AMD1: variants seen among roughly 807,000 people sequenced by gnomAD.
AMD1 encodes the protein adenosylmethionine decarboxylase 1, also known as S-adenosylmethionine decarboxylase proenzyme.
A neutral mutation model predicts 40.2 loss-of-function variants in AMD1; 11 were observed. The observed-to-expected ratio is 0.27, with a 90% CI of 0.17 to 0.45. The LOEUF is 0.45. Ranked by LOEUF, AMD1 falls within the 20% of genes least tolerant of loss-of-function variation. The pLI, the probability that AMD1 is intolerant of heterozygous loss-of-function variation, is 1.00. For missense variants in AMD1, 257 were observed against 410.2 expected (o/e 0.63, Z 3.23); for synonymous variants, 121 against 130.8 (o/e 0.93, Z 0.51).
the AMD1 span, among the ~76,000 whole-genome samples, chr6:110,851,269 T>A: frequency 6.6e-6 from 1 of 152,190 alleles, no homozygotes; most frequent in African/African-American, 2.4e-5. Flanking sequence ...CCCGGCCTTT[T>A]CTTTTATTTT....
the AMD1 span, chr6:110,814,808 A>G: frequency 1.4e-6 from 1 of 702,470 alleles, no homozygotes; most frequent in South Asian, 1.5e-5. Flanking sequence ...GCGCCGCGGG[A>G]GTTCGAGGTA....
In AMD1 at chr6:110,890,095, C is replaced by T. The variant is rs569645624; in HGVS notation, c.325-159C>T. 44 of 550,452 alleles carry T rather than the reference C, an allele frequency of 8.0e-5. No homozygotes were observed. The Middle Eastern group carries it at 1.5e-3, about 19-fold the overall frequency. The allele number at this position is 550,452 out of a possible 1,614,324, so 34.1% of individuals were successfully genotyped here. Reference sequence around the variant, plus strand: ...AAGTGATCCTCCTGCCTCCTAATAGCGAGACTACAGGCATATGCTACCATG... The same window carrying T: ...AAGTGATCCTCCTGCCTCCTAATAGTGAGACTACAGGCATATGCTACCATG... On this transcript the variant is annotated intron_variant, in intron 3 of 8. Coordinates refer to ENST00000368885, the MANE Select transcript of AMD1 (RefSeq NM_001634.6).
At chr6:110,887,424 A>T in intron 1 of AMD1, 81 bp from the exon 2 acceptor site, 1 of 976,812 alleles carries the variant, frequency 1.0e-6, no homozygotes, top group Admixed American at 2.6e-5. Context: ...GGTCTTCATG[A>T]GAAAAAGTGT....
intron 1 of AMD1, 98 bp from the exon 2 acceptor site, chr6:110,887,405 TAA>T: frequency 1.3e-6 from 1 of 747,258 alleles, no homozygotes; most frequent in Non-Finnish European, 2.2e-6. Flanking sequence ...CAATATTAAT[TAA>T]AAATGTGGTC....
At chr6:110,823,122 A>G in the AMD1 span, among the ~76,000 whole-genome samples, 1 of 152,210 alleles carries the variant, frequency 6.6e-6, no homozygotes. Flanking sequence ...TCTCAAAAAA[A>G]AGCATACAAT....
chr6:110,874,753 A>AT (rs1011618900), upstream of AMD1: 18 of 172,588 alleles, frequency 1.0e-4, 1 homozygote, highest in Middle Eastern at 0.02. Flanking sequence ...GGGAGCCGGG[A>AT]TATATAAGGG....
chr6:110,892,217 A>G lies in AMD1; in HGVS notation c.470+14A>G, dbSNP rs1786062133. On this transcript the variant is annotated intron_variant, in intron 5 of 8. Transcript: ENST00000368885. Reference sequence around the variant, plus strand: ...TTCTGACTGTTGGTATGTTTAATGCAATTTTGTGGATTTTTGTTGTCCTAT... The same window carrying G: ...TTCTGACTGTTGGTATGTTTAATGCGATTTTGTGGATTTTTGTTGTCCTAT... 1 of 1,613,768 alleles carries G rather than the reference A, an allele frequency of 6.2e-7. No homozygotes were observed. Among genetic ancestry groups the G allele is most frequent in the Non-Finnish European group, 8.5e-7 (1 of 1,179,946 alleles).
At chr6:110,876,831 C>T (rs9487545) in intron 1 of AMD1, among the ~76,000 whole-genome samples, 8 of 152,142 alleles carry the variant, frequency 5.3e-5, no homozygotes. Flanking sequence ...CCTAGAAAAT[C>T]TTGGGTAAGA....
the AMD1 span, among the ~76,000 whole-genome samples, chr6:110,860,351 A>G: frequency 6.6e-6 from 1 of 152,168 alleles, no homozygotes; most frequent in Non-Finnish European, 1.5e-5. Context: ...GAGAAATAAT[A>G]TATTTATACT....
chr6:110,815,041 G>A, the AMD1 span: 3 of 1,604,392 alleles, frequency 1.9e-6, no homozygotes, highest in East Asian at 2.3e-5. Context: ...AGACGTGACC[G>A]TAGGTGCCGC....
intron 1 of AMD1, among the ~76,000 whole-genome samples, chr6:110,885,807 T>C (rs1485082288): frequency 1.3e-5 from 2 of 152,232 alleles, no homozygotes; most frequent in Non-Finnish European, 2.9e-5. Flanking sequence ...TGGGTATTGG[T>C]ACGCAGATGG....
intron 1 of AMD1, among the ~76,000 whole-genome samples, chr6:110,882,194 C>T (rs983754639): frequency 1.3e-5 from 2 of 152,146 alleles, no homozygotes; most frequent in African/African-American, 2.4e-5. Context: ...TGCAGTGGCA[C>T]GATCTTGGCT....
At chr6:110,848,242 C>T in the AMD1 span, among the ~76,000 whole-genome samples, 1 of 151,924 alleles carries the variant, frequency 6.6e-6, no homozygotes, top group Non-Finnish European at 1.5e-5. Context: ...ATGATTTCAG[C>T]TGGGCTCGGT....
At chr6:110,830,486 T>C in the AMD1 span, among the ~76,000 whole-genome samples, 1 of 152,194 alleles carries the variant, frequency 6.6e-6, no homozygotes, top group Admixed American at 6.5e-5. Context: ...ACAATGGCAG[T>C]TTACCATTGC....
At chr6:110,877,087 A>T (rs1182310515) in intron 1 of AMD1, among the ~76,000 whole-genome samples, 1 of 152,236 alleles carries the variant, frequency 6.6e-6, no homozygotes, top group Non-Finnish European at 1.5e-5. Context: ...TAATCAGCCC[A>T]AATTGTTTTA....
chr6:110,892,719 C>CG lies in AMD1; in HGVS notation c.616-16_616-15insG. 6.6e-7 allele frequency: 1 copy of CG among 1,512,218 alleles called. No individual in the cohort carries two copies. Among genetic ancestry groups the CG allele is most frequent in the Non-Finnish European group, 8.8e-7 (1 of 1,131,318 alleles). The allele number at this position is 1,512,218 out of a possible 1,614,324, so 93.7% of individuals were successfully genotyped here. A position where few individuals can be genotyped will look rare whatever the true frequency, so the allele number is the denominator to read the frequency against. On this transcript the variant is annotated splice_polypyrimidine_tract_variant and intron_variant, in intron 6 of 8. Coordinates refer to ENST00000368885, the MANE Select transcript of AMD1 (RefSeq NM_001634.6). ...TTGTCAAACCCTTGTTAAACTCGGT[C>CG]TTTTTCCCCCCCCAGGAGAGTGGAA...
chr6:110,890,153 G>A (rs1298625568), intron 3 of AMD1, 101 bp from the exon 4 acceptor site: 18 of 849,562 alleles, frequency 2.1e-5, no homozygotes, highest in Admixed American at 3.3e-5. Flanking sequence ...TGATTTTGCC[G>A]AGTTTTTGAT....
chr6:110,835,013 C>T, the AMD1 span, among the ~76,000 whole-genome samples: 4 of 143,698 alleles, frequency 2.8e-5, no homozygotes, highest in East Asian at 2.3e-4. Flanking sequence ...GATAATTATG[C>T]GGATACTATT....
intron 1 of AMD1, among the ~76,000 whole-genome samples, chr6:110,884,966 C>A (rs929076368): frequency 3.9e-5 from 6 of 152,148 alleles, no homozygotes; most frequent in Admixed American, 2.0e-4. Flanking sequence ...CTTTAAAAAT[C>A]TGAAATTGTA....
Sources: gnomAD v4.1 joint callset for allele counts (sites outside exome capture counted in the v4.1 genomes callset) on GRCh38, gnomAD v4.1.1 for gene constraint, MANE v1.5 for transcripts, NCBI Gene and HGNC (gene_info 2026-07-23, HGNC 2026-07-21) for gene names.